Variants in LINGO1 observed in about 807,000 individuals in gnomAD.
LINGO1 encodes the protein leucine-rich repeat and immunoglobulin-like domain-containing nogo receptor-interacting protein 1.
Under a neutral mutation model 37.3 loss-of-function variants are expected in LINGO1, and 11 were observed. The ratio of observed to expected loss-of-function variants is 0.29; its 90% CI spans 0.19 to 0.49. LINGO1 has a LOEUF of 0.49. LINGO1 is among the 20% of genes least tolerant of loss of function. LINGO1 has a pLI of 0.99. For synonymous variants in LINGO1, 387 were observed against 403.0 expected, an observed-to-expected ratio of 0.96 and a Z score of 0.48; for missense variants, 585 against 878.2, an observed-to-expected ratio of 0.67 and a Z score of 4.22.
chr15:77,768,867 A>G (rs2076556058), intron 1 of LINGO1, among the ~76,000 whole-genome samples: 1 of 152,182 alleles, frequency 6.6e-6, no homozygotes, highest in East Asian at 1.9e-4. Context: ...CAGATGAGGC[A>G]CTGCAGCCTT....
chr15:77,802,296 C>T (rs2076926262), intron 1 of LINGO1, among the ~76,000 whole-genome samples: 1 of 151,952 alleles, frequency 6.6e-6, no homozygotes, highest in Non-Finnish European at 1.5e-5. Flanking sequence ...TGTGTTGTCA[C>T]TCTCGGGGAT....
intron 2 of LINGO1, among the ~76,000 whole-genome samples, chr15:77,682,616 C>T (rs543565190): frequency 6.6e-6 from 1 of 152,176 alleles, no homozygotes; most frequent in East Asian, 1.9e-4. Context: ...ACCTCGCATC[C>T]TATCACCACA....
chr15:77,725,689 T>A (rs1167917145), intron 2 of LINGO1, among the ~76,000 whole-genome samples: 1 of 152,192 alleles, frequency 6.6e-6, no homozygotes, highest in Middle Eastern at 3.2e-3. Flanking sequence ...CCTGCCTGGA[T>A]CACACAGAAA....
At chr15:77,691,607 C>A (rs1458798236) in intron 1 of LINGO1, among the ~76,000 whole-genome samples, 1 of 151,998 alleles carries the variant, frequency 6.6e-6, no homozygotes, top group East Asian at 1.9e-4. Context: ...AAAGCAGCCC[C>A]AATGCATGTC....
chr15:77,745,420 G>A (rs113524418), intron 1 of LINGO1, among the ~76,000 whole-genome samples: 74 of 147,410 alleles, frequency 5.0e-4, no homozygotes, highest in African/African-American at 1.6e-3. Context: ...GCAAGACTCC[G>A]TCTCAAAAGA....
At chr15:77,641,755 C>G (rs985603745) in intron 3 of LINGO1, 2 of 426,324 alleles carry the variant, frequency 4.7e-6, no homozygotes, top group South Asian at 1.7e-5. Flanking sequence ...CCCAGAGACA[C>G]AGAGAGCCAG....
intron 1 of LINGO1, among the ~76,000 whole-genome samples, chr15:77,626,783 G>C (rs1193570193): frequency 6.6e-6 from 1 of 152,184 alleles, no homozygotes; most frequent in Non-Finnish European, 1.5e-5. Context: ...CAGAAGGTCT[G>C]CCTCGGTAGT....
At chr15:77,689,886 G>A (rs2075573848) in intron 2 of LINGO1, among the ~76,000 whole-genome samples, 1 of 152,162 alleles carries the variant, frequency 6.6e-6, no homozygotes, top group Admixed American at 6.5e-5. Flanking sequence ...AGCAAGAAGG[G>A]GAAGGGAACA....
At chr15:77,677,892 C>T (rs547140541) in intron 2 of LINGO1, among the ~76,000 whole-genome samples, 3 of 152,352 alleles carry the variant, frequency 2.0e-5, no homozygotes, top group East Asian at 1.9e-4. Context: ...CCCTCAGTGG[C>T]ACCCACCATG....
At chr15:77,734,322 A>G (rs2141336912) in intron 2 of LINGO1, among the ~76,000 whole-genome samples, 1 of 152,156 alleles carries the variant, frequency 6.6e-6, no homozygotes. Context: ...GAGGGAGAGC[A>G]TGGAATTTTT....
At chr15:77,743,798 T>G (rs1596180179) in intron 1 of LINGO1, among the ~76,000 whole-genome samples, 4 of 147,806 alleles carry the variant, frequency 2.7e-5, no homozygotes, top group African/African-American at 7.7e-5. Context: ...CTGAAGGGGG[T>G]GCTGCTGAAA....
At chr15:77,622,441 C>T (rs939665013) in intron 1 of LINGO1, among the ~76,000 whole-genome samples, 3 of 152,156 alleles carry the variant, frequency 2.0e-5, no homozygotes, top group Non-Finnish European at 4.4e-5. Context: ...AGCCCCGTCC[C>T]GGCCACTCCA....
chr15:77,654,415 C>T (rs181130775), intron 3 of LINGO1, among the ~76,000 whole-genome samples: 44 of 152,278 alleles, frequency 2.9e-4, no homozygotes, highest in African/African-American at 1.0e-3. Context: ...CAGTCTTAAT[C>T]CATCGGATGC....
At chr15:77,634,826 C>A (rs2074363762), upstream of LINGO1, among the ~76,000 whole-genome samples, 1 of 152,092 alleles carries the variant, frequency 6.6e-6, no homozygotes, top group Non-Finnish European at 1.5e-5. Flanking sequence ...CCTCCTCCCA[C>A]CAGCCCGACA....
At chr15:77,790,536 C>T (rs999515065), upstream of LINGO1, among the ~76,000 whole-genome samples, 8 of 152,014 alleles carry the variant, frequency 5.3e-5, no homozygotes, top group Non-Finnish European at 8.8e-5. Context: ...TCTTCCAAGC[C>T]CTGCACTGCT....
chr15:77,781,322 C>A (rs2076714844), intron 1 of LINGO1, among the ~76,000 whole-genome samples: 1 of 152,190 alleles, frequency 6.6e-6, no homozygotes, highest in African/African-American at 2.4e-5. Context: ...TGTGCAAAAG[C>A]CTCCCTCTCA....
intron 2 of LINGO1, among the ~76,000 whole-genome samples, chr15:77,711,899 C>G (rs572869575): frequency 6.6e-6 from 1 of 152,204 alleles, no homozygotes; most frequent in Admixed American, 6.5e-5. Context: ...GGGCACACAG[C>G]GACATTCTGC....
intron 1 of LINGO1, among the ~76,000 whole-genome samples, chr15:77,623,760 T>C (rs1210593491): frequency 6.6e-6 from 1 of 151,974 alleles, no homozygotes; most frequent in Admixed American, 6.6e-5. Context: ...TCATGTCCTT[T>C]GTTGTGTATA....
chr15:77,738,941 G>A (rs571413307), intron 1 of LINGO1, among the ~76,000 whole-genome samples: 178 of 152,380 alleles, frequency 1.2e-3, no homozygotes, highest in Admixed American at 3.4e-3. Context: ...CAGCAGGCAG[G>A]ACACACTGCA....
Sources: allele counts gnomAD v4.1 joint callset (sites outside exome capture counted in the v4.1 genomes callset), GRCh38; gene constraint gnomAD v4.1.1; transcripts MANE v1.5; gene names NCBI Gene and HGNC (gene_info 2026-07-23, HGNC 2026-07-21).